The following DISC1 variants were observed in gnomAD, a reference collection of about 807,000 sequenced individuals.
DISC1 encodes the protein disrupted in schizophrenia 1 protein.
A neutral mutation model predicts 84.5 loss-of-function variants in DISC1; 57 were observed. The observed-to-expected ratio is 0.67, with a 90% CI of 0.55 to 0.84. The LOEUF is 0.84. DISC1 is among the 40% of genes least tolerant of loss of function. The pLI is 0.00. For missense variants in DISC1, 1,000 were observed against 1,057.8 expected (o/e 0.95, Z 0.76); for synonymous variants, 411 against 415.2 (o/e 0.99, Z 0.12).
At chr1:231,789,288 T>C (rs1403605058) in intron 6 of DISC1, among the ~76,000 whole-genome samples, 1 of 152,138 alleles carries the variant, frequency 6.6e-6, no homozygotes, top group South Asian at 2.1e-4. Context: ...CACAGCAGAT[T>C]TGAGGAGCTG....
intron 6 of DISC1, among the ~76,000 whole-genome samples, chr1:231,780,237 T>TAAAAAAAAAAAAA (rs11451092): frequency 1.9e-5 from 2 of 103,946 alleles, no homozygotes; most frequent in Admixed American, 9.0e-5. Context: ...TAAAGTATAA[T>TAAAAAAAAAAAAA]AAAAAAAAAA....
chr1:231,912,180 T>G (rs2089262479), intron 9 of DISC1, among the ~76,000 whole-genome samples: 1 of 152,210 alleles, frequency 6.6e-6, no homozygotes, highest in African/African-American at 2.4e-5. Flanking sequence ...TTCTCTCAAC[T>G]TGTCAAAGTC....
Position 232,027,807 on chromosome 1 carries a change from G to A in DISC1, c.2425+1255G>A, listed in dbSNP as rs1335287930. Reference sequence around the variant, plus strand: ...TACTTTATGGGCTGTGTGTGTGTGTGTGTGTGTGTGTGTGTGTGTGTGTAT... The same window carrying A: ...TACTTTATGGGCTGTGTGTGTGTGTATGTGTGTGTGTGTGTGTGTGTGTAT... On this transcript the variant is annotated intron_variant, in intron 12 of 12. Coordinates refer to ENST00000439617, the MANE Select transcript of DISC1 (RefSeq NM_018662.3). Among the ~76,000 whole-genome samples the A allele has an allele frequency of 7.9e-5, 12 of 151,784 alleles. No homozygotes were observed. In the East Asian group the frequency reaches 9.7e-4, roughly 12 times the overall value.
Position 231,678,028 on chromosome 1 carries a change from T to C in DISC1, c.68-15798T>C, listed in dbSNP as rs150047830. ...CTTTGATTTGCTGTAAGACCCTCTCTGTGAATATTAAACTGGTAAACCTCA... is the reference window on the plus strand; with the variant it reads ...CTTTGATTTGCTGTAAGACCCTCTCCGTGAATATTAAACTGGTAAACCTCA... On this transcript the variant is annotated intron_variant, in intron 1 of 12. Transcript: ENST00000439617. Among the ~76,000 whole-genome samples, 428 of 152,144 alleles carry C rather than the reference T, an allele frequency of 2.8e-3. 7 individuals are homozygous for C. The highest frequency in any genetic ancestry group is 9.7e-3 in the East Asian group (50 of 5,170).
At chr1:231,972,256 G>A (rs367825050) in intron 10 of DISC1, among the ~76,000 whole-genome samples, 1 of 152,232 alleles carries the variant, frequency 6.6e-6, no homozygotes, top group Non-Finnish European at 1.5e-5. Flanking sequence ...TTTGGCATAA[G>A]TGTGCTCATT....
chr1:231,940,299 C>G (rs1020415147), intron 9 of DISC1, among the ~76,000 whole-genome samples: 2 of 152,176 alleles, frequency 1.3e-5, no homozygotes, highest in South Asian at 4.1e-4. Flanking sequence ...CCAGCTGGCA[C>G]CTAGCAGGGA....
At chr1:231,924,395 T>C (rs2090205512) in intron 9 of DISC1, among the ~76,000 whole-genome samples, 1 of 152,156 alleles carries the variant, frequency 6.6e-6, no homozygotes, top group African/African-American at 2.4e-5. Context: ...CACATATGAG[T>C]GCCATAGTTA....
At chr1:232,010,967 A>G (rs1667971630) in intron 11 of DISC1, among the ~76,000 whole-genome samples, 1 of 152,216 alleles carries the variant, frequency 6.6e-6, no homozygotes, top group Non-Finnish European at 1.5e-5. Flanking sequence ...GAATGGCTGC[A>G]GAAGGTCAGA....
intron 2 of DISC1, 97 bp from the exon 3 acceptor site, chr1:231,701,858 A>C (rs895215771): frequency 9.7e-7 from 1 of 1,027,104 alleles, no homozygotes; most frequent in African/African-American, 1.7e-5. Context: ...GAAGAAGTTC[A>C]GTTTTGAAAC....
rs373042905 is a variant in DISC1, at chr1:231,866,568, A to C, written c.1981+48051A>C. 8.0e-6 allele frequency: 9 copies of C among 1,121,952 alleles called. No individual in the cohort carries two copies. In the African/African-American group the frequency reaches 1.4e-4, roughly 17 times the overall value. The allele number at this position is 1,121,952 out of a possible 1,614,324, so 69.5% of individuals were successfully genotyped here. A position where few individuals can be genotyped will look rare whatever the true frequency, so the allele number is the denominator to read the frequency against. The stretch of plus-strand genomic sequence containing the variant: ...GAGTCCTGGACACAGAGAAGTCAGC[A>C]ACTTGCCTGAGGACAGCCTGCAGGA... On this transcript the variant is annotated intron_variant, in intron 9 of 12. Coordinates refer to ENST00000439617, the MANE Select transcript of DISC1 (RefSeq NM_018662.3).
At chr1:232,012,782 C>T (rs771132930) in intron 11 of DISC1, among the ~76,000 whole-genome samples, 8 of 152,188 alleles carry the variant, frequency 5.3e-5, no homozygotes, top group South Asian at 2.1e-4. Flanking sequence ...CCTGGGTCTA[C>T]GGTCCTTGCC....
intron 1 of DISC1, among the ~76,000 whole-genome samples, chr1:231,683,393 GA>G (rs1161206193): frequency 5.3e-5 from 8 of 150,742 alleles, no homozygotes; most frequent in African/African-American, 2.0e-4. Flanking sequence ...GTTGTGATCT[GA>G]ACCTCAGAAT....
Position 231,630,604 on chromosome 1 carries a change from G to A in DISC1, c.67+3670G>A, listed in dbSNP as rs73111695. 2.5e-4 allele frequency among the ~76,000 whole-genome samples: 38 copies of A among 152,234 alleles called. No individual in the cohort carries two copies. The highest frequency in any genetic ancestry group is 7.5e-4 in the African/African-American group (31 of 41,548). On this transcript the variant is annotated intron_variant, in intron 1 of 12. Coordinates refer to ENST00000439617, the MANE Select transcript of DISC1 (RefSeq NM_018662.3). The surrounding 1 kb of genome is among the most constrained non-coding windows in gnomAD (Gnocchi z 4.4). The stretch of plus-strand genomic sequence containing the variant: ...CCCTCCTGGCACAGCTGGAACCACC[G>A]GTGAAGAGCCATTTTTCAGTCAGCA...
rs142035917 is a variant in DISC1 at position 231,693,830 on chromosome 1, C to G, written c.72C>G (p.Ser24Arg). 1.2e-6 allele frequency: 2 copies of G among 1,613,384 alleles called. No homozygotes were observed. Among genetic ancestry groups the G allele is most frequent in the Admixed American group, 3.3e-5 (2 of 60,024 alleles). ...GGGGVSHRAGSRDCLPPAACF... is the reference protein window; with the variant it reads ...GGGGVSHRAGRRDCLPPAACF... ...TGTTTTTTCTTTTCTTCCCAGGCAG[C>G]CGGGATTGCTTACCACCTGCAGCGT... The change falls in exon 2 of 13, where the codon AGC becomes AGG. Residue 24 changes from serine (S) to arginine (R), a missense_variant. By Grantham distance (110) the Ser-to-Arg change is moderately radical. Around this residue, in one of 3 missense-constraint regions of DISC1, gnomAD observed 292 missense variants for 280.2 expected, o/e 1.04. Coordinates refer to ENST00000439617, the MANE Select transcript of DISC1 (RefSeq NM_018662.3).
In DISC1 at chr1:231,819,454, G is replaced by T. The variant is rs111937536; in HGVS notation, c.1981+937G>T. On this transcript the variant is annotated intron_variant, in intron 9 of 12. Transcript: ENST00000439617. ...TCTTTTAAAATGTCTATCAATTTGT[G>T]TAGAGAGAGGTTTCTTCATAGAGAT... 3.5e-3 allele frequency among the ~76,000 whole-genome samples: 540 copies of T among 152,334 alleles called. 3 individuals are homozygous for T. Among genetic ancestry groups the T allele is most frequent in the Non-Finnish European group, 6.3e-3 (430 of 68,030 alleles).
intron 10 of DISC1, among the ~76,000 whole-genome samples, chr1:231,994,413 G>A (rs1341798840): frequency 6.6e-6 from 1 of 152,176 alleles, no homozygotes; most frequent in East Asian, 1.9e-4. Flanking sequence ...GAAGTTAGAT[G>A]GCATTACTCC....
intron 3 of DISC1, among the ~76,000 whole-genome samples, chr1:231,735,411 T>A (rs1395813754): frequency 1.3e-5 from 2 of 152,192 alleles, no homozygotes; most frequent in East Asian, 1.9e-4. Context: ...ATACTTCCTA[T>A]GGGAAAGAGG....
At chr1:231,759,299 T>C (rs2075413981) in intron 4 of DISC1, among the ~76,000 whole-genome samples, 1 of 152,026 alleles carries the variant, frequency 6.6e-6, no homozygotes, top group Non-Finnish European at 1.5e-5. Flanking sequence ...GCCCTTGAGA[T>C]TGGAATCAAG....
At chr1:231,773,560 A>G (rs1366445445) in intron 6 of DISC1, among the ~76,000 whole-genome samples, 2 of 151,870 alleles carry the variant, frequency 1.3e-5, no homozygotes, top group Non-Finnish European at 2.9e-5. Flanking sequence ...AATTTTTTGT[A>G]TTTTTAGTAG....
Sources: gnomAD v4.1 joint callset for allele counts (sites outside exome capture counted in the v4.1 genomes callset) on GRCh38, gnomAD v4.1.1 for gene constraint, gnomAD v4.1.1 regional missense constraint, Gnocchi (gnomAD v3.1) non-coding constraint, MANE v1.5 for transcripts, NCBI Gene and HGNC (gene_info 2026-07-23, HGNC 2026-07-21) for gene names.